Variants in ZNF112 observed in about 807,000 individuals in gnomAD.
The protein encoded by ZNF112 is zinc finger protein 112 (Y14).
In ZNF112, 37 loss-of-function variants were observed where a neutral mutation model predicts 77.7. That is an observed-to-expected ratio of 0.48 (90% CI 0.37 to 0.63). ZNF112 has a LOEUF of 0.63. ZNF112 is among the 20% of genes least tolerant of loss of function. The probability of loss-of-function intolerance (pLI) is 0.00; values close to 1 mark genes in which losing one functional copy is unlikely to be tolerated. For missense variants in ZNF112, 950 were observed against 1,077.4 expected (o/e 0.88, Z 1.66); for synonymous variants, 333 against 363.6 (o/e 0.92, Z 0.96).
intron 1 of ZNF112, among the ~76,000 whole-genome samples, chr19:44,350,086 G>A (rs757871947): frequency 6.6e-6 from 1 of 152,054 alleles, no homozygotes; most frequent in Non-Finnish European, 1.5e-5. Flanking sequence ...AGTACAATCT[G>A]CTAAGAAGTG....
chr19:44,365,971 G>T (rs1970900177), intron 1 of ZNF112, among the ~76,000 whole-genome samples: 1 of 152,158 alleles, frequency 6.6e-6, no homozygotes, highest in Non-Finnish European at 1.5e-5. Context: ...TTTTACACGT[G>T]ACCAGAGCCT....
chr19:44,330,860 G>A (rs1229668458), intron 3 of ZNF112, among the ~76,000 whole-genome samples: 7 of 152,204 alleles, frequency 4.6e-5, no homozygotes, highest in African/African-American at 4.8e-5. Context: ...ATGGACAAAC[G>A]CCTTTTGTCC....
chr19:44,339,568 C>T (rs184159599), intron 2 of ZNF112, among the ~76,000 whole-genome samples: 62 of 152,344 alleles, frequency 4.1e-4, no homozygotes, highest in South Asian at 8.3e-4. Context: ...CACAACTCCA[C>T]GGAAGATGAC....
intron 3 of ZNF112, among the ~76,000 whole-genome samples, chr19:44,332,553 T>C (rs1357055018): frequency 6.6e-6 from 1 of 152,226 alleles, no homozygotes; most frequent in Non-Finnish European, 1.5e-5. Context: ...GGGTTAATCA[T>C]AATCCTTGTA....
intron 1 of ZNF112, among the ~76,000 whole-genome samples, chr19:44,351,939 A>T (rs1970700047): frequency 6.6e-6 from 1 of 152,106 alleles, no homozygotes; most frequent in Non-Finnish European, 1.5e-5. Flanking sequence ...CACAAAACAC[A>T]AAATACTGAT....
chr19:44,354,375 A>T (rs926708104), intron 1 of ZNF112, among the ~76,000 whole-genome samples: 10 of 152,156 alleles, frequency 6.6e-5, no homozygotes, highest in Admixed American at 1.3e-4. Flanking sequence ...AACATTTTTT[A>T]AAAACCTGTT....
At chr19:44,335,338 T>A (rs1355102188) in intron 3 of ZNF112, among the ~76,000 whole-genome samples, 1 of 152,210 alleles carries the variant, frequency 6.6e-6, no homozygotes, top group African/African-American at 2.4e-5. Context: ...TAGAGTATTA[T>A]GCATCCATTA....
intron 1 of ZNF112, among the ~76,000 whole-genome samples, chr19:44,349,477 T>C (rs1275272924): frequency 6.6e-6 from 1 of 152,084 alleles, no homozygotes; most frequent in African/African-American, 2.4e-5. Flanking sequence ...GTGCTTCCTA[T>C]GCAGTGACAA....
intron 1 of ZNF112, among the ~76,000 whole-genome samples, chr19:44,354,697 G>T (rs1970754601): frequency 6.6e-6 from 1 of 152,146 alleles, no homozygotes; most frequent in Non-Finnish European, 1.5e-5. Flanking sequence ...AACCTTGTAC[G>T]ATGTGCTGGG....
In ZNF112 at chr19:44,328,694, A is replaced by G. The variant is rs1356113455; in HGVS notation, c.1463T>C (p.Ile488Thr). 2.5e-6 allele frequency: 4 copies of G among 1,613,990 alleles called. No homozygotes were observed. In the South Asian group the frequency reaches 4.4e-5, roughly 18 times the overall value. ...ATGCTCCTTACGTGGTTTCTCTCCAATGTGAATTTTTGGATGACCTTGAAG... is the reference window on the plus strand; with the variant it reads ...ATGCTCCTTACGTGGTTTCTCTCCAGTGTGAATTTTTGGATGACCTTGAAG... ...LYLQGHPKIH[I>T]GEKPRKEHGN... Residue 488 changes from isoleucine (I) to threonine (T), a missense_variant, in exon 4 of 4, where the codon ATT becomes ACT. This residue lies in a region of ZNF112 where 560 missense variants were observed against 557.3 expected (regional missense o/e 1.00). Transcript: ENST00000354340.
chr19:44,352,777 C>T (rs1348066960), intron 1 of ZNF112, among the ~76,000 whole-genome samples: 1 of 151,872 alleles, frequency 6.6e-6, no homozygotes, highest in Admixed American at 6.6e-5. Context: ...ATATTATACT[C>T]GGGCATATGT....
chr19:44,336,615 G>A lies in ZNF112; in HGVS notation c.220+8C>T. ...CTGGCTGCTGTGTTCCTGCAGCACA[G>A]TTCTCACCTGAACATCCATCTCTTG... On this transcript the variant is annotated splice_region_variant and intron_variant, in intron 3 of 3. Coordinates refer to ENST00000354340, the MANE Select transcript of ZNF112 (RefSeq NM_013380.4). The A allele has an allele frequency of 6.2e-7, 1 of 1,610,510 alleles. No homozygotes were observed. Among genetic ancestry groups the A allele is most frequent in the East Asian group, 2.2e-5 (1 of 44,840 alleles).
At chr19:44,334,024 G>C (rs1970319130) in intron 3 of ZNF112, among the ~76,000 whole-genome samples, 1 of 152,190 alleles carries the variant, frequency 6.6e-6, no homozygotes, top group Admixed American at 6.5e-5. Flanking sequence ...TACGGATAGT[G>C]ATATGGACAG....
In ZNF112 at chr19:44,328,857, C is replaced by T; in HGVS notation, c.1300G>A (p.Glu434Lys). The T allele has an allele frequency of 6.2e-7, 1 of 1,614,014 alleles. No homozygotes were observed. Among genetic ancestry groups the T allele is most frequent in the Non-Finnish European group, 8.5e-7 (1 of 1,179,964 alleles). ...LDIQHRVHME[E>K]NSYNSEECGN... ...CACTCCTCAGAATTATATGAATTCT[C>T]TTCCATATGAACCCTATGCTGAATG... The change falls in exon 4 of 4, where the codon GAG becomes AAG. Residue 434 changes from glutamate (E) to lysine (K), a missense_variant. Glu to Lys is a moderately conservative substitution (Grantham distance 56). Coordinates refer to ENST00000354340, the MANE Select transcript of ZNF112 (RefSeq NM_013380.4).
At chr19:44,346,739 T>C (rs969858292) in intron 1 of ZNF112, among the ~76,000 whole-genome samples, 4 of 151,800 alleles carry the variant, frequency 2.6e-5, no homozygotes, top group African/African-American at 9.7e-5. Flanking sequence ...AATCCCTACG[T>C]TTGGTAATAA....
intron 1 of ZNF112, among the ~76,000 whole-genome samples, chr19:44,352,456 G>T (rs926343824): frequency 6.6e-6 from 1 of 152,008 alleles, no homozygotes; most frequent in Non-Finnish European, 1.5e-5. Context: ...GCAGAGATGT[G>T]TACTCTTGAC....
At chr19:44,348,825 T>C (rs1970642191) in intron 1 of ZNF112, among the ~76,000 whole-genome samples, 1 of 152,022 alleles carries the variant, frequency 6.6e-6, no homozygotes, top group African/African-American at 2.4e-5. Context: ...GATGCATATA[T>C]TAGAAAAGAG....
intron 1 of ZNF112, among the ~76,000 whole-genome samples, chr19:44,348,674 A>G (rs1356912901): frequency 2.6e-5 from 4 of 152,160 alleles, no homozygotes; most frequent in Non-Finnish European, 5.9e-5. Flanking sequence ...TAGTCACAAA[A>G]GAAATTAGAT....
intron 1 of ZNF112, among the ~76,000 whole-genome samples, chr19:44,343,844 C>A (rs1204771434): frequency 6.6e-6 from 1 of 152,160 alleles, no homozygotes; most frequent in East Asian, 1.9e-4. Flanking sequence ...GATGCAGATA[C>A]CATTCTGTAT....
Sources: allele counts gnomAD v4.1 joint callset (sites outside exome capture counted in the v4.1 genomes callset), GRCh38; gene constraint gnomAD v4.1.1; regional missense constraint gnomAD v4.1.1; transcripts MANE v1.5; gene names NCBI Gene and HGNC (gene_info 2026-07-23, HGNC 2026-07-21).